The following SAMD12 variants were observed in gnomAD, a reference collection of about 807,000 sequenced individuals.
The protein encoded by SAMD12 is sterile alpha motif domain-containing protein 12.
A neutral mutation model predicts 15.0 loss-of-function variants in SAMD12; 9 were observed. The ratio of observed to expected loss-of-function variants is 0.60; its 90% confidence interval spans 0.36 to 1.05. The LOEUF (loss-of-function observed/expected upper bound fraction) is 1.05, where lower values mean the gene tolerates loss of function less well. Ranked by LOEUF, SAMD12 falls within the 50% of genes least tolerant of loss-of-function variation. The probability of loss-of-function intolerance (pLI) is 0.01; values close to 1 mark genes in which losing one functional copy is unlikely to be tolerated. For missense variants in SAMD12, 230 were observed against 234.2 expected (o/e 0.98, Z 0.12); for synonymous variants, 86 against 90.1 (o/e 0.96, Z 0.25).
At chr8:118,565,994 C>T (rs1244115053) in intron 2 of SAMD12, among the ~76,000 whole-genome samples, 1 of 152,218 alleles carries the variant, frequency 6.6e-6, no homozygotes, top group Non-Finnish European at 1.5e-5. Flanking sequence ...ATCCCTTCCT[C>T]ATCTCCCTGT....
At chr8:118,339,896 G>A (rs1817264992) in intron 4 of SAMD12, among the ~76,000 whole-genome samples, 1 of 152,192 alleles carries the variant, frequency 6.6e-6, no homozygotes, top group Non-Finnish European at 1.5e-5. Flanking sequence ...CAGATGAAAT[G>A]GTGTTTCTGA....
chr8:118,371,787 G>A (rs1208028986), intron 4 of SAMD12, among the ~76,000 whole-genome samples: 1 of 152,142 alleles, frequency 6.6e-6, no homozygotes, highest in African/African-American at 2.4e-5. Context: ...TGCTTAAGCG[G>A]TAGAGGGTGA....
At chr8:118,280,959 A>G (rs1348311602) in intron 4 of SAMD12, among the ~76,000 whole-genome samples, 1 of 152,192 alleles carries the variant, frequency 6.6e-6, no homozygotes, top group Non-Finnish European at 1.5e-5. Context: ...TTTGTCCCAT[A>G]TTAATGATGA....
At chr8:118,557,942 T>A (rs912166123) in intron 2 of SAMD12, among the ~76,000 whole-genome samples, 1 of 152,132 alleles carries the variant, frequency 6.6e-6, no homozygotes, top group Non-Finnish European at 1.5e-5. Flanking sequence ...CTATTTTGAG[T>A]CAGATAACTC....
intron 1 of SAMD12, among the ~76,000 whole-genome samples, chr8:118,598,583 C>T (rs186990997): frequency 2.0e-5 from 3 of 152,298 alleles, no homozygotes; most frequent in Admixed American, 2.0e-4. Context: ...AGTTAAGAAC[C>T]ACTGAAAAGA....
chr8:118,269,621 T>C (rs1813296386), intron 4 of SAMD12, among the ~76,000 whole-genome samples: 1 of 152,146 alleles, frequency 6.6e-6, no homozygotes, highest in Admixed American at 6.6e-5. Flanking sequence ...ATCAATACCT[T>C]CTGTCATGCT....
intron 2 of SAMD12, among the ~76,000 whole-genome samples, chr8:118,469,197 C>A (rs927019829): frequency 6.6e-6 from 1 of 151,644 alleles, no homozygotes; most frequent in African/African-American, 2.4e-5. Flanking sequence ...TTGTTGTGTA[C>A]TTTTTTTGTG....
chr8:118,177,416 T>A, the SAMD12 span, among the ~76,000 whole-genome samples: 200 of 151,792 alleles, frequency 1.3e-3, no homozygotes, highest in African/African-American at 2.2e-3. Flanking sequence ...TTTTTTTTTT[T>A]AATCTTTTGT....
At chr8:118,225,259 C>T (rs376150137) in intron 4 of SAMD12, among the ~76,000 whole-genome samples, 29 of 152,100 alleles carry the variant, frequency 1.9e-4, no homozygotes, top group African/African-American at 7.0e-4. Context: ...ATTTATTCCC[C>T]TTATGATGAA....
chr8:118,188,774 A>ATT (rs34305004), downstream of SAMD12, among the ~76,000 whole-genome samples: 118 of 149,976 alleles, frequency 7.9e-4, no homozygotes, highest in African/African-American at 2.7e-3. Flanking sequence ...TATTCAGGGG[A>ATT]TTTTTTTTTT....
chr8:118,159,777 A>G, the SAMD12 span, among the ~76,000 whole-genome samples: 1 of 144,224 alleles, frequency 6.9e-6, no homozygotes, highest in African/African-American at 2.6e-5. Context: ...GCGCAATGGT[A>G]CGATCTCAGC....
chr8:118,581,013 G>T, intron 1 of SAMD12, 120 bp from the exon 2 acceptor site: 1 of 662,478 alleles, frequency 1.5e-6, no homozygotes, highest in Non-Finnish European at 2.5e-6. Flanking sequence ...TCGAGAGGTG[G>T]TGTGATTACT....
chr8:118,223,221 CA>C (rs1456657042), intron 4 of SAMD12, among the ~76,000 whole-genome samples: 1 of 152,176 alleles, frequency 6.6e-6, no homozygotes, highest in Non-Finnish European at 1.5e-5. Flanking sequence ...GAAAGCCAAA[CA>C]CAAACCCTTT....
intron 4 of SAMD12, among the ~76,000 whole-genome samples, chr8:118,367,779 T>C (rs1407416590): frequency 3.3e-5 from 5 of 152,160 alleles, no homozygotes; most frequent in Non-Finnish European, 4.4e-5. Context: ...AAAAAGTCCA[T>C]ATTAGACAAA....
intron 4 of SAMD12, among the ~76,000 whole-genome samples, chr8:118,298,009 C>T (rs1377481431): frequency 6.6e-6 from 1 of 152,116 alleles, no homozygotes; most frequent in South Asian, 2.1e-4. Flanking sequence ...TCTTTCAGCT[C>T]CCTGCTTTGC....
intron 4 of SAMD12, among the ~76,000 whole-genome samples, chr8:118,213,146 C>T (rs1811877577): frequency 6.6e-6 from 1 of 152,144 alleles, no homozygotes; most frequent in African/African-American, 2.4e-5. Flanking sequence ...TCTCCATATC[C>T]TATGTCAGAT....
At chr8:118,243,192 C>T (rs1004063939) in intron 4 of SAMD12, among the ~76,000 whole-genome samples, 2 of 152,056 alleles carry the variant, frequency 1.3e-5, no homozygotes, top group Admixed American at 6.6e-5. Flanking sequence ...AAATGAAAAA[C>T]GATGAGGTCT....
intron 2 of SAMD12, among the ~76,000 whole-genome samples, chr8:118,514,715 T>C (rs1825181761): frequency 6.6e-6 from 1 of 152,194 alleles, no homozygotes; most frequent in Non-Finnish European, 1.5e-5. Flanking sequence ...GGACAAGTGG[T>C]GGTTAATAAC....
At chr8:118,565,250 A>G in intron 2 of SAMD12, among the ~76,000 whole-genome samples, 1 of 152,184 alleles carries the variant, frequency 6.6e-6, no homozygotes, top group East Asian at 1.9e-4. Flanking sequence ...TCCTTTTACT[A>G]GATGTATAAA....
Sources: gnomAD v4.1 joint callset for allele counts (sites outside exome capture counted in the v4.1 genomes callset) on GRCh38, gnomAD v4.1.1 for gene constraint, MANE v1.5 for transcripts, NCBI Gene and HGNC (gene_info 2026-07-23, HGNC 2026-07-21) for gene names.